PPP1R12B: variants seen among roughly 807,000 people sequenced by gnomAD.
The protein encoded by PPP1R12B is myosin phosphatase target subunit 2.
Under a neutral mutation model 126.1 loss-of-function variants are expected in PPP1R12B, and 76 were observed. The ratio of observed to expected loss-of-function variants is 0.60; its 90% CI spans 0.50 to 0.73. The LOEUF is 0.73. Ranked by LOEUF, PPP1R12B falls within the 30% of genes least tolerant of loss-of-function variation. PPP1R12B has a pLI of 0.00. For missense variants in PPP1R12B, 1,052 were observed against 1,205.1 expected, an observed-to-expected ratio of 0.87 and a Z score of 1.88; for synonymous variants, 356 against 434.7, an observed-to-expected ratio of 0.82 and a Z score of 2.25.
intron 23 of PPP1R12B, among the ~76,000 whole-genome samples, chr1:202,571,512 C>T (rs184951593): frequency 7.9e-5 from 12 of 152,146 alleles, no homozygotes; most frequent in African/African-American, 2.9e-4. Flanking sequence ...GGCACAATGT[C>T]GGCTTACTGC....
intron 13 of PPP1R12B, among the ~76,000 whole-genome samples, chr1:202,451,722 GC>G (rs1161310067): frequency 1.3e-5 from 2 of 151,786 alleles, no homozygotes; most frequent in Non-Finnish European, 2.9e-5. Flanking sequence ...GGGCAGAGGG[GC>G]TCCTCACTTC....
chr1:202,377,181 T>G (rs1661306005), intron 1 of PPP1R12B, among the ~76,000 whole-genome samples: 2 of 152,124 alleles, frequency 1.3e-5, no homozygotes, highest in African/African-American at 4.8e-5. Flanking sequence ...CACTGGCTAA[T>G]TAGTGTAGAT....
chr1:202,480,874 G>A (rs1451108851), intron 13 of PPP1R12B, among the ~76,000 whole-genome samples: 1 of 152,138 alleles, frequency 6.6e-6, no homozygotes, highest in Non-Finnish European at 1.5e-5. Flanking sequence ...CAATGTAACA[G>A]AATATGAAAA....
chr1:202,409,456 G>T (rs1667100935), intron 1 of PPP1R12B, among the ~76,000 whole-genome samples: 1 of 151,630 alleles, frequency 6.6e-6, no homozygotes, highest in Non-Finnish European at 1.5e-5. Context: ...CAAGTAGCTG[G>T]GACTACAGGC....
intron 12 of PPP1R12B, chr1:202,445,319 C>A: frequency 9.2e-7 from 1 of 1,082,250 alleles, no homozygotes; most frequent in African/African-American, 1.6e-5. Flanking sequence ...GACTTTATCA[C>A]TATAAAAACA....
Position 202,348,811 on chromosome 1 carries a change from T to C in PPP1R12B, c.-41T>C, listed in dbSNP as rs1365687795. 6.3e-7 allele frequency: 1 copy of C among 1,579,450 alleles called. No homozygotes were observed. On this transcript the variant is annotated 5_prime_UTR_variant, in exon 1 of 24. Coordinates refer to ENST00000608999, the MANE Select transcript of PPP1R12B (RefSeq NM_002481.4). Reference sequence around the variant, plus strand: ...GGCAACTCGAGCCCCAACAGTAATTTAGTGTTGGTAGTTTTGGCAGCAGCT... The same window carrying C: ...GGCAACTCGAGCCCCAACAGTAATTCAGTGTTGGTAGTTTTGGCAGCAGCT...
intron 13 of PPP1R12B, among the ~76,000 whole-genome samples, chr1:202,466,215 T>C (rs1157595801): frequency 1.3e-5 from 2 of 152,180 alleles, no homozygotes; most frequent in Non-Finnish European, 2.9e-5. Flanking sequence ...TTGTTCAACA[T>C]ATTGAAATAG....
intron 1 of PPP1R12B, among the ~76,000 whole-genome samples, chr1:202,370,825 A>T (rs774743445): frequency 4.6e-5 from 7 of 152,126 alleles, no homozygotes; most frequent in Non-Finnish European, 7.4e-5. Context: ...GGCATCAGCC[A>T]TCGTGCCCGG....
intron 20 of PPP1R12B, among the ~76,000 whole-genome samples, chr1:202,563,220 G>C (rs1687705646): frequency 6.6e-6 from 1 of 152,084 alleles, no homozygotes; most frequent in Admixed American, 6.5e-5. Context: ...GGGTTCATAG[G>C]GTCCTCCTGC....
At chr1:202,491,265 C>G (rs1313097438) in intron 14 of PPP1R12B, among the ~76,000 whole-genome samples, 1 of 152,134 alleles carries the variant, frequency 6.6e-6, no homozygotes, top group Non-Finnish European at 1.5e-5. Context: ...TCTCCTGCCT[C>G]AGCTTCCCAG....
intron 1 of PPP1R12B, among the ~76,000 whole-genome samples, chr1:202,394,525 C>T (rs540021459): frequency 1.7e-4 from 26 of 151,920 alleles, no homozygotes; most frequent in African/African-American, 6.0e-4. Context: ...GAGGCCAAGG[C>T]GAGCGGATCA....
At position 202,348,843 on chromosome 1, in the gene PPP1R12B, G is replaced by T. The variant is rs764951961; in HGVS notation, c.-9G>T. ...GGTAGTTTTGGCAGCAGCTGCCGAG[G>T]CCGGAGCAATGGCGGAACTGGAGCA... is the stretch of plus-strand genomic sequence containing the variant. On this transcript the variant is annotated 5_prime_UTR_variant, in exon 1 of 24. Transcript: ENST00000608999. 1 of 1,603,772 alleles carries T rather than the reference G, an allele frequency of 6.2e-7. No individual in the cohort carries two copies. Among genetic ancestry groups the T allele is most frequent in the Admixed American group, 1.7e-5 (1 of 57,638 alleles).
intron 9 of PPP1R12B, among the ~76,000 whole-genome samples, chr1:202,437,174 T>C (rs1276388895): frequency 6.6e-6 from 1 of 151,840 alleles, no homozygotes; most frequent in African/African-American, 2.4e-5. Context: ...TACTAAAATT[T>C]AGAGAAAATT....
intron 1 of PPP1R12B, among the ~76,000 whole-genome samples, chr1:202,408,886 C>G (rs1667006205): frequency 6.7e-6 from 1 of 149,864 alleles, no homozygotes; most frequent in South Asian, 2.1e-4. Context: ...CATTCTGTCC[C>G]CCAGGCTGGA....
At chr1:202,561,065 C>T (rs1223055454) in intron 19 of PPP1R12B, among the ~76,000 whole-genome samples, 1 of 151,278 alleles carries the variant, frequency 6.6e-6, no homozygotes, top group Admixed American at 6.6e-5. Context: ...AGGAGGTTCC[C>T]CTACTACAAT....
chr1:202,429,061 G>T, intron 6 of PPP1R12B, 132 bp downstream of exon 6: 1 of 696,664 alleles, frequency 1.4e-6, no homozygotes, highest in South Asian at 2.3e-5. Flanking sequence ...GATGTTAATT[G>T]TTCACTTCAG....
chr1:202,476,833 G>A (rs1449150257), intron 13 of PPP1R12B, among the ~76,000 whole-genome samples: 1 of 151,780 alleles, frequency 6.6e-6, no homozygotes, highest in Non-Finnish European at 1.5e-5. Context: ...GGACTCTAAA[G>A]CTACTTCAAA....
At chr1:202,497,396 G>A (rs931643050) in intron 18 of PPP1R12B, among the ~76,000 whole-genome samples, 16 of 152,164 alleles carry the variant, frequency 1.1e-4, no homozygotes, top group African/African-American at 3.9e-4. Flanking sequence ...ATTGGTGGTG[G>A]TTTTCTTTTT....
chr1:202,492,432 T>C (rs1678997295), intron 14 of PPP1R12B, among the ~76,000 whole-genome samples: 1 of 152,204 alleles, frequency 6.6e-6, no homozygotes, highest in East Asian at 1.9e-4. Flanking sequence ...TGAGGACTCA[T>C]GCACATAACT....
Sources: gnomAD v4.1 joint callset for allele counts (sites outside exome capture counted in the v4.1 genomes callset) on GRCh38, gnomAD v4.1.1 for gene constraint, MANE v1.5 for transcripts, NCBI Gene and HGNC (gene_info 2026-07-23, HGNC 2026-07-21) for gene names.